Variants in OBP2B observed in about 807,000 individuals in gnomAD.
The protein encoded by OBP2B is odorant binding protein 2B.
OBP2B carries 10 observed loss-of-function variants against 21.7 expected under a neutral mutation model. The observed-to-expected ratio is 0.46, with a 90% CI of 0.28 to 0.78. The LOEUF is 0.78. Among genes scored for constraint, OBP2B ranks in the 30% least tolerant of loss-of-function variants. The probability of loss-of-function intolerance (pLI) is 0.11; values close to 1 mark genes in which losing one functional copy is unlikely to be tolerated. For missense variants in OBP2B, 153 were observed against 217.7 expected, an observed-to-expected ratio of 0.70 and a Z score of 1.87; for synonymous variants, 73 against 91.5, an observed-to-expected ratio of 0.80 and a Z score of 1.16.
chr9:133,209,362 G>C, upstream of OBP2B: 1 of 757,600 alleles, frequency 1.3e-6, no homozygotes. The surrounding 1 kb of genome is among the most constrained non-coding windows in gnomAD (Gnocchi z 6.0). Flanking sequence ...GCATCCGGGA[G>C]GGGGAGTGTC....
chr9:133,206,283 G>T (rs1226398078), intron 5 of OBP2B, 32 bp downstream of exon 5: 1 of 1,593,040 alleles, frequency 6.3e-7, no homozygotes, highest in Admixed American at 1.7e-5. Context: ...CACAGCAGAG[G>T]GACACAGGGG....
rs1564285528 is a variant in OBP2B at position 133,207,226 on chromosome 9, C to T, written c.388G>A (p.Gly130Ser). ...GGLLHMGKLVGRNSDTNREAL... is the reference protein window; with the variant it reads ...GGLLHMGKLVSRNSDTNREAL... Reference sequence around the variant, plus strand: ...ACGCAGACCCCAGCAAGCCCCTCACCCACAAGCTTTCCCATGTGGAGCAGG... The same window carrying T: ...ACGCAGACCCCAGCAAGCCCCTCACTCACAAGCTTTCCCATGTGGAGCAGG... Residue 130 changes from glycine to serine, a missense_variant and splice_region_variant, in exon 4 of 7, where the codon GGT becomes AGT. By Grantham distance (56) the Gly-to-Ser change is moderately conservative. Coordinates refer to ENST00000372034, the MANE Select transcript of OBP2B (RefSeq NM_014581.4). The T allele has an allele frequency of 6.2e-7, 1 of 1,610,220 alleles. No homozygotes were observed. The highest frequency in any genetic ancestry group is 2.2e-5 in the East Asian group (1 of 44,860).
rs370509638 is a variant in OBP2B at position 133,207,214 on chromosome 9, C to A, written c.388+12G>T. On this transcript the variant is annotated intron_variant, in intron 4 of 6. Transcript: ENST00000372034. The stretch of plus-strand genomic sequence containing the variant: ...GTGGGGCAGGACACGCAGACCCCAG[C>A]AAGCCCCTCACCCACAAGCTTTCCC... 6.3e-5 allele frequency: 101 copies of A among 1,591,016 alleles called. No homozygotes were observed. The highest frequency in any genetic ancestry group is 8.6e-5 in the Non-Finnish European group (100 of 1,159,064).
chr9:133,218,131 C>T, the OBP2B span, among the ~76,000 whole-genome samples: 7 of 152,146 alleles, frequency 4.6e-5, no homozygotes, highest in African/African-American at 9.7e-5. Context: ...ATTCAAACAC[C>T]GAATTTAAGA....
the OBP2B span, among the ~76,000 whole-genome samples, chr9:133,215,074 T>C: frequency 6.6e-6 from 1 of 152,300 alleles, no homozygotes; most frequent in Middle Eastern, 3.4e-3. Flanking sequence ...TTAAGCGAGT[T>C]CAGCAAGGTT....
chr9:133,209,458 G>A (rs1218011569), upstream of OBP2B, among the ~76,000 whole-genome samples: 5 of 152,114 alleles, frequency 3.3e-5, no homozygotes, highest in African/African-American at 7.2e-5. This position sits in a 1 kb window ranked among gnomAD's most constrained non-coding sequence, Gnocchi z 6.0. Context: ...TGCACCACCC[G>A]AACGCGCCCA....
chr9:133,206,822 G>A (rs1159226788), intron 4 of OBP2B, among the ~76,000 whole-genome samples: 1 of 151,972 alleles, frequency 6.6e-6, no homozygotes, highest in Non-Finnish European at 1.5e-5. Context: ...CAGGGGACCT[G>A]GGCAGCTCCC....
chr9:133,209,081 C>T lies in OBP2B; in HGVS notation c.72+47G>A, dbSNP rs556795262. On this transcript the variant is annotated intron_variant, in intron 1 of 6. Transcript: ENST00000372034. The surrounding 1 kb of genome is among the most constrained non-coding windows in gnomAD (Gnocchi z 6.0). ...AGGGCCCCTGGCACTGCCCCCTGCC[C>T]AGGAGTCCGCCTGGCTCCTCCATCC... 2 of 1,611,578 alleles carry T rather than the reference C, an allele frequency of 1.2e-6. No homozygotes were observed. The highest frequency in any genetic ancestry group is 2.2e-5 in the South Asian group (2 of 90,620).
At chr9:133,210,907 C>G (rs1364809995), upstream of OBP2B, among the ~76,000 whole-genome samples, 3 of 152,172 alleles carry the variant, frequency 2.0e-5, no homozygotes, top group Non-Finnish European at 4.4e-5. Context: ...GGTGAGATCT[C>G]TGGCCCCCAG....
the OBP2B span, among the ~76,000 whole-genome samples, chr9:133,218,616 T>C: frequency 5.3e-5 from 8 of 152,198 alleles, no homozygotes; most frequent in African/African-American, 1.9e-4. Flanking sequence ...AAAACGCTTG[T>C]GTTTAGAAAC....
the OBP2B span, among the ~76,000 whole-genome samples, chr9:133,222,625 G>C: frequency 1.3e-5 from 2 of 152,186 alleles, no homozygotes; most frequent in African/African-American, 4.8e-5. Flanking sequence ...CTACTCGGGA[G>C]GCTGAGGCAG....
upstream of OBP2B, among the ~76,000 whole-genome samples, chr9:133,211,027 C>A (rs1333063544): frequency 2.0e-5 from 3 of 152,186 alleles, no homozygotes; most frequent in Admixed American, 6.5e-5. Context: ...CCCTCACGAC[C>A]CTTTTCTTTG....
At chr9:133,220,486 G>A in the OBP2B span, among the ~76,000 whole-genome samples, 52 of 148,040 alleles carry the variant, frequency 3.5e-4, 2 homozygotes, top group African/African-American at 1.2e-3. Flanking sequence ...GAAGATGTCC[G>A]CATCCTCATC....
At chr9:133,206,779 G>A (rs1833729278) in intron 4 of OBP2B, among the ~76,000 whole-genome samples, 1 of 151,916 alleles carries the variant, frequency 6.6e-6, no homozygotes, top group Non-Finnish European at 1.5e-5. Context: ...AAGGGGGACA[G>A]TGGCGGGGAC....
the OBP2B span, among the ~76,000 whole-genome samples, chr9:133,216,106 A>G: frequency 2.0e-5 from 3 of 151,972 alleles, no homozygotes; most frequent in Non-Finnish European, 4.4e-5. Context: ...CAAAATAAAA[A>G]CCTTTTGCTC....
At chr9:133,222,672 A>C in the OBP2B span, among the ~76,000 whole-genome samples, 11 of 152,140 alleles carry the variant, frequency 7.2e-5, no homozygotes, top group Non-Finnish European at 1.6e-4. Context: ...AAGAGGTTGC[A>C]GTAAGCCGAG....
intron 4 of OBP2B, among the ~76,000 whole-genome samples, chr9:133,206,786 G>A (rs1353602881): frequency 2.0e-5 from 3 of 151,848 alleles, no homozygotes; most frequent in Non-Finnish European, 2.9e-5. Flanking sequence ...ACAGTGGCGG[G>A]GACTCTCCAA....
chr9:133,219,267 G>A, the OBP2B span, among the ~76,000 whole-genome samples: 1 of 152,164 alleles, frequency 6.6e-6, no homozygotes, highest in Admixed American at 6.5e-5. Flanking sequence ...CAGACAAATT[G>A]GACTTCATCA....
chr9:133,215,382 T>C, the OBP2B span, among the ~76,000 whole-genome samples: 4 of 152,320 alleles, frequency 2.6e-5, no homozygotes, highest in Admixed American at 6.5e-5. Flanking sequence ...TCTATCAAAA[T>C]TCCAGAAGGA....
Sources: gnomAD v4.1 joint callset for allele counts (sites outside exome capture counted in the v4.1 genomes callset) on GRCh38, gnomAD v4.1.1 for gene constraint, Gnocchi (gnomAD v3.1) non-coding constraint, MANE v1.5 for transcripts, NCBI Gene and HGNC (gene_info 2026-07-23, HGNC 2026-07-21) for gene names.